CEP162: variants seen among roughly 807,000 people sequenced by gnomAD.
The protein encoded by CEP162 is centrosomal protein 162, also known as centrosomal protein of 162 kDa.
A neutral mutation model predicts 169.2 loss-of-function variants in CEP162; 141 were observed. The observed-to-expected ratio is 0.83, with a 90% CI of 0.73 to 0.96. The LOEUF (loss-of-function observed/expected upper bound fraction) is 0.96. Ranked by LOEUF, CEP162 falls within the 40% of genes least tolerant of loss-of-function variation. The probability of loss-of-function intolerance (pLI) is 0.00; values close to 1 mark genes in which losing one functional copy is unlikely to be tolerated. For missense variants in CEP162, 1,600 were observed against 1,587.2 expected, an observed-to-expected ratio of 1.01 and a Z score of -0.14; for synonymous variants, 540 against 526.4, an observed-to-expected ratio of 1.03 and a Z score of -0.35.
intron 6 of CEP162, among the ~76,000 whole-genome samples, chr6:84,207,918 T>G (rs1186618951): frequency 6.6e-6 from 1 of 152,178 alleles, no homozygotes; most frequent in Non-Finnish European, 1.5e-5. Context: ...ATATTTATTT[T>G]TAAAAGACAA....
chr6:84,187,806 C>T (rs1222680155), intron 11 of CEP162, among the ~76,000 whole-genome samples: 1 of 152,102 alleles, frequency 6.6e-6, no homozygotes, highest in Non-Finnish European at 1.5e-5. Flanking sequence ...AGAGAAATGA[C>T]TGGAAAGAAC....
At chr6:84,151,766 T>C (rs1257706313) in intron 23 of CEP162, among the ~76,000 whole-genome samples, 1 of 151,928 alleles carries the variant, frequency 6.6e-6, no homozygotes. Flanking sequence ...CCACAGAGGT[T>C]AAGGGGAGAA....
chr6:84,214,254 G>C (rs916287999), intron 5 of CEP162, among the ~76,000 whole-genome samples: 12 of 152,196 alleles, frequency 7.9e-5, no homozygotes, highest in African/African-American at 2.9e-4. Flanking sequence ...ACTCCAGCCT[G>C]GGCGACAGAG....
intron 16 of CEP162, among the ~76,000 whole-genome samples, chr6:84,172,542 T>C (rs1299277699): frequency 2.0e-5 from 3 of 152,198 alleles, no homozygotes; most frequent in Non-Finnish European, 4.4e-5. Flanking sequence ...CCCCCTACTA[T>C]TTAGACACAT....
At chr6:84,167,772 T>A (rs1293672984) in intron 18 of CEP162, among the ~76,000 whole-genome samples, 1 of 152,176 alleles carries the variant, frequency 6.6e-6, no homozygotes, top group Non-Finnish European at 1.5e-5. Flanking sequence ...CATTAAAGTA[T>A]GTGCAGAGGA....
intron 16 of CEP162, 47 bp downstream of exon 16, chr6:84,174,001 C>G: frequency 6.5e-7 from 1 of 1,548,960 alleles, no homozygotes. Context: ...ATTTTTATAA[C>G]TAAAAGATCA....
chr6:84,159,040 A>G (rs1050156915), intron 21 of CEP162, among the ~76,000 whole-genome samples: 2 of 151,518 alleles, frequency 1.3e-5, no homozygotes, highest in Non-Finnish European at 1.5e-5. Flanking sequence ...TTTTACTTAT[A>G]TTCTATTTAA....
At position 84,171,619 on chromosome 6, in the gene CEP162, C is replaced by T. The variant is rs143237686; in HGVS notation, c.2266G>A (p.Val756Ile). Reference sequence around the variant, plus strand: ...AAAAGGACTTACTTTAAGGAAGCTACCTCACTGAATAAACTTTGGTTTTCC... The same window carrying T: ...AAAAGGACTTACTTTAAGGAAGCTATCTCACTGAATAAACTTTGGTTTTCC... ...FKENQSLFSE[V>I]ASLKEQMHKS... Residue 756 changes from valine (V) to isoleucine (I), a missense_variant, in exon 17 of 27, where the codon GTA (valine) becomes ATA (isoleucine). Coordinates refer to ENST00000403245, the MANE Select transcript of CEP162 (RefSeq NM_014895.4). 2.4e-4 allele frequency: 352 copies of T among 1,473,056 alleles called. 1 individual carries two copies. The African/African-American group carries it at 4.4e-3, about 18-fold the overall frequency. The allele number at this position is 1,473,056 out of a possible 1,614,324, so 91.2% of individuals were successfully genotyped here. A position where few individuals can be genotyped will look rare whatever the true frequency, so the allele number is the denominator to read the frequency against.
At chr6:84,139,758 G>C (rs2099515759) in intron 25 of CEP162, among the ~76,000 whole-genome samples, 1 of 152,136 alleles carries the variant, frequency 6.6e-6, no homozygotes, top group African/African-American at 2.4e-5. Flanking sequence ...AAAATTCTTT[G>C]AATTTGTGAC....
At chr6:84,140,957 A>G (rs1298457615) in intron 25 of CEP162, among the ~76,000 whole-genome samples, 1 of 152,184 alleles carries the variant, frequency 6.6e-6, no homozygotes, top group Non-Finnish European at 1.5e-5. Flanking sequence ...GGATGATTCA[A>G]GCTCATCACA....
At chr6:84,166,208 A>C (rs1411910162) in intron 18 of CEP162, among the ~76,000 whole-genome samples, 3 of 152,180 alleles carry the variant, frequency 2.0e-5, no homozygotes, top group Admixed American at 1.3e-4. Context: ...CCGTGCAGAC[A>C]TTCAGAGAGG....
Position 84,186,637 on chromosome 6 carries a change from C to T in CEP162, c.1110-14G>A. The T allele has an allele frequency of 6.3e-7, 1 of 1,585,042 alleles. No homozygotes were observed. The highest frequency in any genetic ancestry group is 8.6e-7 in the Non-Finnish European group (1 of 1,169,510). On this transcript the variant is annotated splice_polypyrimidine_tract_variant and intron_variant, in intron 11 of 26. Transcript: ENST00000403245. ...ACTTTCTCAGAGCTATAAAACAAAA[C>T]AGGACACAGATAATGAACCCTATGT...
intron 10 of CEP162, among the ~76,000 whole-genome samples, 176 bp from the exon 11 acceptor site, chr6:84,193,866 A>G (rs1238833412): frequency 2.0e-5 from 3 of 152,322 alleles, no homozygotes; most frequent in Admixed American, 2.0e-4. Flanking sequence ...TTCTTATGAA[A>G]TATCAAATAA....
At chr6:84,189,575 G>C (rs1037357905) in intron 11 of CEP162, among the ~76,000 whole-genome samples, 7 of 152,332 alleles carry the variant, frequency 4.6e-5, no homozygotes, top group African/African-American at 1.7e-4. Flanking sequence ...CGCTGCGCTC[G>C]ATTTCTCGCC....
chr6:84,172,108 A>G (rs2099530370), intron 16 of CEP162, among the ~76,000 whole-genome samples: 1 of 148,932 alleles, frequency 6.7e-6, no homozygotes, highest in Non-Finnish European at 1.5e-5. Flanking sequence ...CTGGCTCAAG[A>G]GAGGGGAAAA....
At chr6:84,154,944 T>C (rs575923103) in intron 22 of CEP162, among the ~76,000 whole-genome samples, 1 of 152,316 alleles carries the variant, frequency 6.6e-6, no homozygotes, top group Admixed American at 6.5e-5. Context: ...CTTCTCTAGA[T>C]AAATTTCAGT....
intron 13 of CEP162, among the ~76,000 whole-genome samples, chr6:84,176,905 T>C (rs1003338821): frequency 2.6e-5 from 4 of 151,978 alleles, no homozygotes; most frequent in Admixed American, 6.6e-5. Flanking sequence ...TTTTTTTTTT[T>C]GAGACAGAGT....
Position 84,166,978 on chromosome 6 carries a change from C to T in CEP162, c.2385+2350G>A, listed in dbSNP as rs149912560. ...AAATAATTTTTACGATTATTTTAAA[C>T]TAACACCTTTATTTTTTTTCCCCTG... is the stretch of plus-strand genomic sequence containing the variant. On this transcript the variant is annotated intron_variant, in intron 18 of 26. Coordinates refer to ENST00000403245, the MANE Select transcript of CEP162 (RefSeq NM_014895.4). Among the ~76,000 whole-genome samples, 313 of 152,218 alleles carry T rather than the reference C, an allele frequency of 2.1e-3. 5 individuals carry two copies. The highest frequency in any genetic ancestry group is 8.6e-3 in the Admixed American group (131 of 15,280).
In CEP162 at chr6:84,124,964, T is replaced by C. The variant is rs2099508316; in HGVS notation, c.*106A>G. The C allele has an allele frequency of 2.3e-6, 2 of 859,150 alleles. No individual in the cohort carries two copies. Among genetic ancestry groups the C allele is most frequent in the Middle Eastern group, 2.9e-4 (1 of 3,462 alleles). 53.2% of individuals were successfully genotyped at this position (859,150 alleles called of 1,614,324 possible). A position where few individuals can be genotyped will look rare whatever the true frequency, so the allele number is the denominator to read the frequency against. ...AATGTTGCTTTGGTTGTTTGCTTTC[T>C]GGAAACATATTGGAACACTTGTTTT... On this transcript the variant is annotated 3_prime_UTR_variant, in exon 27 of 27. Coordinates refer to ENST00000403245, the MANE Select transcript of CEP162 (RefSeq NM_014895.4).
Sources: allele counts gnomAD v4.1 joint callset (sites outside exome capture counted in the v4.1 genomes callset), GRCh38; gene constraint gnomAD v4.1.1; transcripts MANE v1.5; gene names NCBI Gene and HGNC (gene_info 2026-07-23, HGNC 2026-07-21).